ACTN1: variants seen among roughly 807,000 people sequenced by gnomAD.
The protein encoded by ACTN1 is alpha-actinin-1.
Under a neutral mutation model 119.6 loss-of-function variants are expected in ACTN1, and 30 were observed. That is an observed-to-expected ratio of 0.25 (90% CI 0.19 to 0.34). ACTN1 has a LOEUF of 0.34. Among genes scored for constraint, ACTN1 ranks in the 10% least tolerant of loss-of-function variants. ACTN1 has a pLI of 1.00. For synonymous variants in ACTN1, 429 were observed against 472.6 expected (o/e 0.91, Z 1.20); for missense variants, 764 against 1,223.4 (o/e 0.62, Z 5.60).
chr14:68,938,881 G>A (rs1034523527), intron 1 of ACTN1, among the ~76,000 whole-genome samples: 2 of 151,986 alleles, frequency 1.3e-5, no homozygotes, highest in Admixed American at 6.5e-5. Context: ...ACTCTGAGAC[G>A]GGCCTCTGGC....
At chr14:68,962,595 C>T (rs2036574840) in intron 1 of ACTN1, among the ~76,000 whole-genome samples, 1 of 152,204 alleles carries the variant, frequency 6.6e-6, no homozygotes, top group Admixed American at 6.5e-5. Flanking sequence ...CATTTAAGAC[C>T]ATGAAACTCT....
intron 1 of ACTN1, among the ~76,000 whole-genome samples, chr14:68,949,583 A>G (rs1006412574): frequency 1.3e-5 from 2 of 152,234 alleles, no homozygotes; most frequent in East Asian, 3.8e-4. Flanking sequence ...AGCATAAAAT[A>G]TAGCAGTACT....
At chr14:68,889,074 A>C (rs1348571770) in intron 11 of ACTN1, among the ~76,000 whole-genome samples, 1 of 152,186 alleles carries the variant, frequency 6.6e-6, no homozygotes, top group East Asian at 1.9e-4. Context: ...GGTCTGTCCC[A>C]CGCTCCAGCT....
intron 1 of ACTN1, among the ~76,000 whole-genome samples, chr14:68,961,091 C>T (rs946483728): frequency 3.3e-5 from 5 of 152,032 alleles, no homozygotes; most frequent in Non-Finnish European, 7.4e-5. Flanking sequence ...AACAAAAAAC[C>T]CTGTTATACA....
At chr14:68,971,852 C>T (rs1475342664) in intron 1 of ACTN1, among the ~76,000 whole-genome samples, 6 of 152,202 alleles carry the variant, frequency 3.9e-5, no homozygotes, top group African/African-American at 1.2e-4. Flanking sequence ...CTGCAATGTA[C>T]GCCCGATTTC....
chr14:68,919,733 C>T (rs1051739761), intron 3 of ACTN1, among the ~76,000 whole-genome samples: 1 of 152,180 alleles, frequency 6.6e-6, no homozygotes, highest in African/African-American at 2.4e-5. Flanking sequence ...CAAACTTTTT[C>T]TGTAGAGGGC....
intron 1 of ACTN1, among the ~76,000 whole-genome samples, chr14:68,973,239 G>A (rs2036951377): frequency 1.3e-5 from 2 of 152,190 alleles, no homozygotes; most frequent in Admixed American, 1.3e-4. Context: ...GGATAGGTGG[G>A]AAACTGATAG....
Position 68,885,433 on chromosome 14 carries a change from C to T in ACTN1, c.1377G>A (p.Gln459=). The T allele has an allele frequency of 6.2e-7, 1 of 1,611,728 alleles. No homozygotes were observed. Among genetic ancestry groups the T allele is most frequent in the Non-Finnish European group, 8.5e-7 (1 of 1,178,384 alleles). Residue 459 remains glutamine (Q), a synonymous_variant, in exon 12 of 22, where the codon CAG becomes CAA. Transcript: ENST00000394419. This position sits in a 1 kb window ranked among gnomAD's most constrained non-coding sequence, Gnocchi z 5.6. ...TGTCTGGGGCCACCTACTTGAGCTCCTGTGCGATGGCGGCAATCTGCTCCA... is the reference window on the plus strand; with the variant it reads ...TGTCTGGGGCCACCTACTTGAGCTCTTGTGCGATGGCGGCAATCTGCTCCA... ...DRVEQIAAIA[Q]ELNELDYYDS... is the part of the protein sequence containing the mutation.
intron 1 of ACTN1, among the ~76,000 whole-genome samples, chr14:68,966,113 A>AG (rs1340769943): frequency 1.4e-4 from 21 of 152,224 alleles, no homozygotes; most frequent in Admixed American, 1.0e-3. Context: ...CCTACTTGGG[A>AG]AACTGAGGTG....
intron 1 of ACTN1, among the ~76,000 whole-genome samples, chr14:68,945,171 AAAAAAAGAAAG>A (rs973222599): frequency 1.3e-5 from 2 of 151,616 alleles, no homozygotes; most frequent in African/African-American, 4.8e-5. Flanking sequence ...TTCAAAAAAA[AAAAAAAGAAAG>A]AAAGAAAGAA....
rs181606872 is a variant in ACTN1, at chr14:68,878,965, G to A, written c.2361+24C>T. On this transcript the variant is annotated intron_variant, in intron 19 of 21. Transcript: ENST00000394419. The surrounding 1 kb of genome is among the most constrained non-coding windows in gnomAD (Gnocchi z 4.4). Reference sequence around the variant, plus strand: ...CTTGCCCCAGACGCCACCCCTGAGCGTGCTCCATGCAGGAGGCGAGTACCT... The same window carrying A: ...CTTGCCCCAGACGCCACCCCTGAGCATGCTCCATGCAGGAGGCGAGTACCT... 696 of 1,612,996 alleles carry A rather than the reference G, an allele frequency of 4.3e-4. No individual in the cohort carries two copies. The highest frequency in any genetic ancestry group is 5.5e-4 in the Non-Finnish European group (651 of 1,179,786).
intron 1 of ACTN1, chr14:68,947,494 A>T (rs1385012424): frequency 6.6e-6 from 1 of 152,304 alleles, no homozygotes; most frequent in Non-Finnish European, 1.5e-5. Flanking sequence ...GCTCAAGGAC[A>T]CAGCAAGTCA....
In ACTN1 at chr14:68,937,143, T is replaced by A. The variant is rs747660596; in HGVS notation, c.106-11471A>T. Among the ~76,000 whole-genome samples the A allele has an allele frequency of 1.2e-4, 18 of 152,070 alleles. 1 individual carries two copies. Among genetic ancestry groups the A allele is most frequent in the Admixed American group, 1.2e-3 (18 of 15,264 alleles). On this transcript the variant is annotated intron_variant, in intron 1 of 21. Coordinates refer to ENST00000394419, the MANE Select transcript of ACTN1 (RefSeq NM_001130004.2). ...CCCCGTCTCTCACCCCCACCCTCACTTGCAGTCCATTTGATACCATTTGGC... is the reference window on the plus strand; with the variant it reads ...CCCCGTCTCTCACCCCCACCCTCACATGCAGTCCATTTGATACCATTTGGC...
chr14:68,949,869 T>C (rs142512312), intron 1 of ACTN1, among the ~76,000 whole-genome samples: 1 of 152,328 alleles, frequency 6.6e-6, no homozygotes, highest in African/African-American at 2.4e-5. Context: ...GAATAAATGC[T>C]ATATGATTCC....
chr14:68,924,007 C>A (rs2034785745), intron 2 of ACTN1, among the ~76,000 whole-genome samples: 1 of 152,228 alleles, frequency 6.6e-6, no homozygotes, highest in Non-Finnish European at 1.5e-5. Flanking sequence ...GTGAAATAAA[C>A]CAGTGTCACA....
At chr14:68,920,590 C>T (rs2034586500) in intron 3 of ACTN1, among the ~76,000 whole-genome samples, 1 of 152,200 alleles carries the variant, frequency 6.6e-6, no homozygotes, top group Admixed American at 6.5e-5. Context: ...GGACTTCAGT[C>T]TTCCCAGGGC....
At chr14:68,914,220 A>G (rs570869047) in intron 3 of ACTN1, among the ~76,000 whole-genome samples, 1 of 152,028 alleles carries the variant, frequency 6.6e-6, no homozygotes, top group Non-Finnish European at 1.5e-5. Flanking sequence ...AAATAAAATA[A>G]AAAAGTAAAG....
intron 1 of ACTN1, among the ~76,000 whole-genome samples, chr14:68,941,908 A>G (rs1279763983): frequency 1.3e-5 from 2 of 152,270 alleles, no homozygotes; most frequent in East Asian, 3.9e-4. Flanking sequence ...ATAGGACCTC[A>G]GCACTGATCC....
At chr14:68,948,218 G>A (rs962131026) in intron 1 of ACTN1, among the ~76,000 whole-genome samples, 2 of 120,136 alleles carry the variant, frequency 1.7e-5, no homozygotes, top group African/African-American at 5.5e-5. Context: ...GACATTCACT[G>A]ACACTTACCT....
Sources: gnomAD v4.1 joint callset for allele counts (sites outside exome capture counted in the v4.1 genomes callset) on GRCh38, gnomAD v4.1.1 for gene constraint, Gnocchi (gnomAD v3.1) non-coding constraint, MANE v1.5 for transcripts, NCBI Gene and HGNC (gene_info 2026-07-23, HGNC 2026-07-21) for gene names.